ANKS1A: variants seen among roughly 807,000 people sequenced by gnomAD.
The protein encoded by ANKS1A is ankyrin repeat and SAM domain-containing protein 1A.
ANKS1A carries 55 observed loss-of-function variants against 120.3 expected under a neutral mutation model. The observed-to-expected ratio is 0.46, with a 90% confidence interval of 0.37 to 0.57. The LOEUF (loss-of-function observed/expected upper bound fraction) is 0.57, where lower values mean the gene tolerates loss of function less well. ANKS1A is among the 20% of genes least tolerant of loss of function. The pLI, the probability that ANKS1A is intolerant of heterozygous loss-of-function variation, is 0.00. For synonymous variants in ANKS1A, 590 were observed against 604.7 expected (o/e 0.98, Z 0.36); for missense variants, 1,123 against 1,480.3 (o/e 0.76, Z 3.96).
Position 34,889,649 on chromosome 6 carries a change from A to T in ANKS1A, c.197+50A>T, listed in dbSNP as rs751153363. On this transcript the variant is annotated intron_variant, in intron 1 of 23. Coordinates refer to ENST00000360359, the MANE Select transcript of ANKS1A (RefSeq NM_015245.3). The surrounding 1 kb of genome is among the most constrained non-coding windows in gnomAD (Gnocchi z 5.5). ...GCTGCCTGCAGACCCTTTCTCCCCCACCCGTCTCTTGGGTCCCCAGAGAGA... is the reference window on the plus strand; with the variant it reads ...GCTGCCTGCAGACCCTTTCTCCCCCTCCCGTCTCTTGGGTCCCCAGAGAGA... The T allele has an allele frequency of 2.2e-5, 28 of 1,256,162 alleles. No homozygotes were observed. The highest frequency in any genetic ancestry group is 2.8e-5 in the Non-Finnish European group (28 of 1,001,886). 77.8% of individuals were successfully genotyped at this position (1,256,162 alleles called of 1,614,324 possible). A position where few individuals can be genotyped will look rare whatever the true frequency, so the allele number is the denominator to read the frequency against.
intron 23 of ANKS1A, among the ~76,000 whole-genome samples, 173 bp from the exon 24 acceptor site, chr6:35,088,433 G>T (rs1778113275): frequency 6.6e-6 from 1 of 152,226 alleles, no homozygotes; most frequent in South Asian, 2.1e-4. Context: ...GAGTCACTGA[G>T]CCAGAGGCAG....
intron 11 of ANKS1A, among the ~76,000 whole-genome samples, chr6:35,036,692 G>T (rs180919853): frequency 1.3e-5 from 2 of 152,244 alleles, no homozygotes; most frequent in East Asian, 3.8e-4. Flanking sequence ...TCTAGAAACA[G>T]TACACAGACT....
intron 23 of ANKS1A, among the ~76,000 whole-genome samples, chr6:35,088,059 C>A (rs1321980558): frequency 6.6e-6 from 1 of 152,254 alleles, no homozygotes; most frequent in Non-Finnish European, 1.5e-5. Flanking sequence ...GACCAAGTGG[C>A]CTCCATTGTC....
At position 34,950,521 on chromosome 6, in the gene ANKS1A, G is replaced by A. The variant is rs189591819; in HGVS notation, c.198-16718G>A. On this transcript the variant is annotated intron_variant, in intron 1 of 23. Transcript: ENST00000360359. ...TGGGATTACAGGTGTGAGCCACCGCGCCCGGCCAGGAAGACGTTTTTCAAG... is the reference window on the plus strand; with the variant it reads ...TGGGATTACAGGTGTGAGCCACCGCACCCGGCCAGGAAGACGTTTTTCAAG... Among the ~76,000 whole-genome samples the A allele has an allele frequency of 2.5e-4, 38 of 152,154 alleles. No homozygotes were observed. In the East Asian group the frequency reaches 6.0e-3, roughly 24 times the overall value.
At position 35,084,440 on chromosome 6, in the gene ANKS1A, C is replaced by G. The variant is rs1194602166; in HGVS notation, c.3132+182C>G. 6.6e-6 allele frequency among the ~76,000 whole-genome samples: 1 copy of G among 151,790 alleles called. No homozygotes were observed. Among genetic ancestry groups the G allele is most frequent in the Non-Finnish European group, 1.5e-5 (1 of 68,002 alleles). On this transcript the variant is annotated intron_variant, in intron 21 of 23. Transcript: ENST00000360359. The surrounding 1 kb of genome is among the most constrained non-coding windows in gnomAD (Gnocchi z 4.8). ...TCCCCTTTCACAGTGATGAGACTGACGCGCAGAGGGAACAGGGACTGGCCC... is the reference window on the plus strand; with the variant it reads ...TCCCCTTTCACAGTGATGAGACTGAGGCGCAGAGGGAACAGGGACTGGCCC...
rs1013062695 is a variant in ANKS1A at position 35,090,141 on chromosome 6, C to T, written c.*1532C>T. ...GGGGCCTGGGACTCAGCTCTCTCTG[C>T]GGTAGAGGCAGGCCCTCCTCCACTT... On this transcript the variant is annotated 3_prime_UTR_variant, in exon 24 of 24. Transcript: ENST00000360359. 57 of 1,289,310 alleles carry T rather than the reference C, an allele frequency of 4.4e-5. No individual in the cohort carries two copies. Among genetic ancestry groups the T allele is most frequent in the Non-Finnish European group, 5.6e-5 (55 of 988,874 alleles). 79.9% of individuals were successfully genotyped at this position (1,289,310 alleles called of 1,614,324 possible).
chr6:34,889,278 G>T lies in ANKS1A; in HGVS notation c.-125G>T. 2.5e-6 allele frequency: 3 copies of T among 1,196,456 alleles called. No individual in the cohort carries two copies. The highest frequency in any genetic ancestry group is 3.1e-6 in the Non-Finnish European group (3 of 959,810). The allele number at this position is 1,196,456 out of a possible 1,614,324, so 74.1% of individuals were successfully genotyped here. A position where few individuals can be genotyped will look rare whatever the true frequency, so the allele number is the denominator to read the frequency against. ...GAAGTGACGCGCTCGTGGGGAAAAG[G>T]CAGGGAGGGGGTGGTGTCCCCAGCC... On this transcript the variant is annotated 5_prime_UTR_variant, in exon 1 of 24. Transcript: ENST00000360359. This position sits in a 1 kb window ranked among gnomAD's most constrained non-coding sequence, Gnocchi z 5.5.
At position 35,089,775 on chromosome 6, in the gene ANKS1A, G is replaced by C; in HGVS notation, c.*1166G>C. The C allele has an allele frequency of 9.8e-7, 1 of 1,017,434 alleles. No individual in the cohort carries two copies. Among genetic ancestry groups the C allele is most frequent in the Non-Finnish European group, 1.2e-6 (1 of 850,026 alleles). The allele number at this position is 1,017,434 out of a possible 1,614,324, so 63.0% of individuals were successfully genotyped here. A position where few individuals can be genotyped will look rare whatever the true frequency, so the allele number is the denominator to read the frequency against. On this transcript the variant is annotated 3_prime_UTR_variant, in exon 24 of 24. Coordinates refer to ENST00000360359, the MANE Select transcript of ANKS1A (RefSeq NM_015245.3). ...AACTTGGGTTGCATTCTTCCCTCTG[G>C]ACTAGAGTAGAAATGCAGGGGAAAC...
rs781482627 is a variant in ANKS1A at position 35,017,622 on chromosome 6, C to A, written c.1573C>A (p.Gln525Lys). ...DPFQLLCTAG[Q>K]SHPDGSPQQG... ...TTTCCAGCTGCTCTGTACCGCTGGCCAGAGCCATCCAGACGGGTCCCCCCA... is the reference window on the plus strand; with the variant it reads ...TTTCCAGCTGCTCTGTACCGCTGGCAAGAGCCATCCAGACGGGTCCCCCCA... The change falls in exon 11 of 24, where the codon CAG becomes AAG. Residue 525 changes from glutamine (Q) to lysine (K), a missense_variant. Gln to Lys is a moderately conservative substitution (Grantham distance 53, BLOSUM62 1). This residue lies in a region of ANKS1A where 904 missense variants were observed against 1,130.4 expected (regional missense o/e 0.80). Coordinates refer to ENST00000360359, the MANE Select transcript of ANKS1A (RefSeq NM_015245.3). 1.9e-6 allele frequency: 3 copies of A among 1,613,828 alleles called. No homozygotes were observed.
chr6:34,978,556 G>A (rs1581586116), intron 3 of ANKS1A, among the ~76,000 whole-genome samples: 2 of 151,972 alleles, frequency 1.3e-5, no homozygotes, highest in Admixed American at 1.3e-4. Context: ...CTGTAATCCC[G>A]GCACTTTGGG....
chr6:35,024,987 CAAG>C (rs1774540769), intron 11 of ANKS1A, among the ~76,000 whole-genome samples: 1 of 152,062 alleles, frequency 6.6e-6, no homozygotes, highest in Non-Finnish European at 1.5e-5. Context: ...CCGCCCTGAA[CAAG>C]AATGTGACAC....
intron 11 of ANKS1A, among the ~76,000 whole-genome samples, chr6:35,034,055 G>A (rs1480801854): frequency 6.6e-6 from 1 of 152,194 alleles, no homozygotes. Flanking sequence ...TAATGTTGCA[G>A]GTTTAGGTTT....
At chr6:34,940,797 A>T (rs1769485605) in intron 1 of ANKS1A, among the ~76,000 whole-genome samples, 1 of 151,840 alleles carries the variant, frequency 6.6e-6, no homozygotes, top group African/African-American at 2.4e-5. Context: ...AATCCCAGCT[A>T]CTTGGGAGGC....
rs1354943021 is a variant in ANKS1A at position 35,088,497 on chromosome 6, G to A, written c.3402-109G>A. ...GCAGGCATGGAGGGTGCCCCGGGGA[G>A]GCTGTGAGGGATCGTCTGTCCTGCT... On this transcript the variant is annotated intron_variant, in intron 23 of 23. Coordinates refer to ENST00000360359, the MANE Select transcript of ANKS1A (RefSeq NM_015245.3). The A allele has an allele frequency of 1.9e-5, 27 of 1,427,054 alleles. No homozygotes were observed. In the African/African-American group the frequency reaches 2.5e-4, roughly 13 times the overall value. 88.4% of individuals were successfully genotyped at this position (1,427,054 alleles called of 1,614,324 possible).
intron 1 of ANKS1A, among the ~76,000 whole-genome samples, chr6:34,928,404 A>T (rs1768820927): frequency 6.6e-6 from 1 of 152,302 alleles, no homozygotes; most frequent in Admixed American, 6.5e-5. Flanking sequence ...TTAGGATAAG[A>T]AAGAGCCCTG....
intron 1 of ANKS1A, among the ~76,000 whole-genome samples, chr6:34,893,643 C>T (rs561067523): frequency 6.6e-6 from 1 of 152,340 alleles, no homozygotes. Flanking sequence ...GAATTAGCCC[C>T]TCTCTTCATA....
At chr6:34,991,886 A>G (rs1395630272) in intron 9 of ANKS1A, among the ~76,000 whole-genome samples, 1 of 151,586 alleles carries the variant, frequency 6.6e-6, no homozygotes, top group Non-Finnish European at 1.5e-5. Context: ...GTAATTTAGT[A>G]AAGAGCAGAA....
chr6:34,995,913 T>G (rs556847819), intron 10 of ANKS1A, among the ~76,000 whole-genome samples: 2 of 152,370 alleles, frequency 1.3e-5, no homozygotes, highest in South Asian at 4.1e-4. Flanking sequence ...CACTTAGATA[T>G]GTACCTATGA....
At chr6:35,026,572 G>A (rs1304735274) in intron 11 of ANKS1A, among the ~76,000 whole-genome samples, 2 of 152,136 alleles carry the variant, frequency 1.3e-5, no homozygotes, top group Non-Finnish European at 1.5e-5. Flanking sequence ...TAGAGGGTGC[G>A]GTGGGAGGAT....
Sources: gnomAD v4.1 joint callset for allele counts (sites outside exome capture counted in the v4.1 genomes callset) on GRCh38, gnomAD v4.1.1 for gene constraint, gnomAD v4.1.1 regional missense constraint, Gnocchi (gnomAD v3.1) non-coding constraint, MANE v1.5 for transcripts, NCBI Gene and HGNC (gene_info 2026-07-23, HGNC 2026-07-21) for gene names.